The following SLMAP variants were observed in gnomAD, a reference collection of about 807,000 sequenced individuals.
The protein encoded by SLMAP is sarcolemma associated protein, also known as sarcolemmal membrane-associated protein.
In SLMAP, 44 loss-of-function variants were observed where a neutral mutation model predicts 128.8. That is an observed-to-expected ratio of 0.34 (90% CI 0.27 to 0.44). The LOEUF is 0.44. Among genes scored for constraint, SLMAP ranks in the 20% least tolerant of loss-of-function variants. SLMAP has a pLI of 1.00. For synonymous variants in SLMAP, 327 were observed against 348.8 expected (o/e 0.94, Z 0.70); for missense variants, 787 against 985.3 (o/e 0.80, Z 2.69).
chr3:57,817,388 G>GGCT (rs1037694470), intron 2 of SLMAP, among the ~76,000 whole-genome samples: 80 of 152,226 alleles, frequency 5.3e-4, no homozygotes, highest in Middle Eastern at 3.4e-3. Flanking sequence ...TATTATTAGT[G>GGCT]GCTGCTGACT....
chr3:57,888,863 TAATC>T (rs1350956976), intron 14 of SLMAP, among the ~76,000 whole-genome samples: 2 of 152,082 alleles, frequency 1.3e-5, no homozygotes, highest in Non-Finnish European at 2.9e-5. Flanking sequence ...TTATACATCT[TAATC>T]AAAATCTGTT....
At chr3:57,864,778 C>G (rs1560309606) in intron 11 of SLMAP, 29 bp from the exon 12 acceptor site, 1 of 1,217,422 alleles carries the variant, frequency 8.2e-7, no homozygotes, top group Non-Finnish European at 1.1e-6. Flanking sequence ...TGTGAAATAT[C>G]TTTTTTTTTT....
chr3:57,839,551 C>T (rs2093819732), intron 3 of SLMAP, among the ~76,000 whole-genome samples: 1 of 150,260 alleles, frequency 6.7e-6, no homozygotes, highest in South Asian at 2.1e-4. Context: ...AGCAGTTCTG[C>T]TGGCCTCAGC....
At chr3:57,907,857 C>G in intron 17 of SLMAP, 27 bp from the exon 18 acceptor site, 1 of 1,608,112 alleles carries the variant, frequency 6.2e-7, no homozygotes, top group Non-Finnish European at 8.5e-7. Context: ...CTAACTCTTG[C>G]TTTTAAAATA....
At chr3:57,873,684 C>T (rs148095025) in intron 14 of SLMAP, among the ~76,000 whole-genome samples, 2 of 152,150 alleles carry the variant, frequency 1.3e-5, no homozygotes, top group African/African-American at 4.8e-5. Context: ...ATCTAAAATG[C>T]AAATCTTTAG....
chr3:57,870,747 C>G (rs1246505714), intron 13 of SLMAP, among the ~76,000 whole-genome samples: 1 of 152,048 alleles, frequency 6.6e-6, no homozygotes, highest in East Asian at 1.9e-4. Flanking sequence ...CTCATGTGTC[C>G]CCTTTGACAG....
At chr3:57,798,037 G>A (rs2087199632) in intron 2 of SLMAP, among the ~76,000 whole-genome samples, 1 of 152,186 alleles carries the variant, frequency 6.6e-6, no homozygotes, top group Non-Finnish European at 1.5e-5. Context: ...ATATGGGGCT[G>A]TGAAAATTAA....
At chr3:57,876,243 A>G (rs114553174) in intron 14 of SLMAP, among the ~76,000 whole-genome samples, 4,701 of 152,328 alleles carry the variant, frequency 0.031, 105 homozygotes, top group Non-Finnish European at 0.046. Flanking sequence ...GTATGAATCT[A>G]TAAGAGAACA....
At chr3:57,849,629 A>T in intron 5 of SLMAP, 125 bp from the exon 6 acceptor site, 1 of 630,554 alleles carries the variant, frequency 1.6e-6, no homozygotes, top group Non-Finnish European at 2.8e-6. Context: ...CCTTTGTGCT[A>T]TAAATTTGTG....
intron 20 of SLMAP, 112 bp downstream of exon 20, chr3:57,912,813 A>T (rs371414699): frequency 1.4e-6 from 1 of 724,066 alleles, no homozygotes; most frequent in Admixed American, 3.2e-5. Context: ...TATCAGTTGT[A>T]TAAACCAATG....
At position 57,858,034 on chromosome 3, in the gene SLMAP, C is replaced by T; in HGVS notation, c.616-54C>T. 2.6e-6 allele frequency: 3 copies of T among 1,171,144 alleles called. No individual in the cohort carries two copies. In the South Asian group the frequency reaches 3.7e-5, roughly 15 times the overall value. 72.5% of individuals were successfully genotyped at this position (1,171,144 alleles called of 1,614,324 possible). A position where few individuals can be genotyped will look rare whatever the true frequency, so the allele number is the denominator to read the frequency against. ...GTCAGTAGCAACCTTTTTTTATATA[C>T]ATGTGACTTTATAATTACTCGGGTT... On this transcript the variant is annotated intron_variant, in intron 7 of 24. Transcript: ENST00000671191.
At chr3:57,796,621 G>C (rs1419977877) in intron 2 of SLMAP, among the ~76,000 whole-genome samples, 3 of 152,142 alleles carry the variant, frequency 2.0e-5, no homozygotes, top group African/African-American at 7.2e-5. Context: ...TACCCTTTAA[G>C]TCACAGTAAT....
At chr3:57,872,257 G>A (rs1046313344) in intron 14 of SLMAP, among the ~76,000 whole-genome samples, 3 of 152,072 alleles carry the variant, frequency 2.0e-5, no homozygotes, top group African/African-American at 7.2e-5. Flanking sequence ...AGCCGAGATC[G>A]CACCATTGCA....
chr3:57,871,554 C>T, intron 13 of SLMAP, 82 bp from the exon 14 acceptor site: 1 of 994,356 alleles, frequency 1.0e-6, no homozygotes, highest in Non-Finnish European at 1.6e-6. Flanking sequence ...CATGTTAATA[C>T]TTTTCAGTTT....
chr3:57,914,703 C>A (rs2096774102), intron 21 of SLMAP, among the ~76,000 whole-genome samples: 1 of 151,922 alleles, frequency 6.6e-6, no homozygotes, highest in South Asian at 2.1e-4. Flanking sequence ...CTGCCTCAGC[C>A]TCCTGAGTAA....
chr3:57,839,696 C>T (rs1197324455), intron 3 of SLMAP, among the ~76,000 whole-genome samples: 1 of 151,980 alleles, frequency 6.6e-6, no homozygotes, highest in Non-Finnish European at 1.5e-5. Context: ...CTCTGCCTCC[C>T]AGGCTCAAGC....
At chr3:57,918,535 A>G (rs1559562890) in intron 22 of SLMAP, 1 of 152,260 alleles carries the variant, frequency 6.6e-6, no homozygotes, top group African/African-American at 2.4e-5. Context: ...ACTGTTTTCC[A>G]TTGTGAAATG....
chr3:57,906,332 T>TTTTTTTTA (rs1491216777), intron 17 of SLMAP, among the ~76,000 whole-genome samples: 2 of 136,954 alleles, frequency 1.5e-5, no homozygotes, highest in African/African-American at 5.3e-5. Flanking sequence ...TTTTTTTTTT[T>TTTTTTTTA]AGAGACACAG....
intron 15 of SLMAP, 145 bp from the exon 16 acceptor site, chr3:57,896,366 G>A (rs991124463): frequency 7.2e-7 from 1 of 1,384,658 alleles, no homozygotes; most frequent in Non-Finnish European, 9.3e-7. Flanking sequence ...CAAGGGTGGT[G>A]AAGAAGTAAG....
Sources: gnomAD v4.1 joint callset for allele counts (sites outside exome capture counted in the v4.1 genomes callset) on GRCh38, gnomAD v4.1.1 for gene constraint, MANE v1.5 for transcripts, NCBI Gene and HGNC (gene_info 2026-07-23, HGNC 2026-07-21) for gene names.